The following GPR157 variants were observed in gnomAD, a reference collection of about 807,000 sequenced individuals.
The protein encoded by GPR157 is G-protein coupled receptor 157.
A neutral mutation model predicts 23.5 loss-of-function variants in GPR157; 16 were observed. The ratio of observed to expected loss-of-function variants is 0.68; its 90% CI spans 0.46 to 1.04. The LOEUF is 1.04. Ranked by LOEUF, GPR157 falls within the 50% of genes least tolerant of loss-of-function variation. The pLI, the probability that GPR157 is intolerant of heterozygous loss-of-function variation, is 0.00. For missense variants in GPR157, 440 were observed against 460.7 expected (o/e 0.96, Z 0.41); for synonymous variants, 200 against 221.5 (o/e 0.90, Z 0.86).
rs1050008810 is a variant in GPR157, at chr1:9,105,114, AG to A, written c.792+371del. 2.0e-5 allele frequency among the ~76,000 whole-genome samples: 3 copies of A among 150,876 alleles called. No homozygotes were observed. The highest frequency in any genetic ancestry group is 6.6e-5 in the Admixed American group (1 of 15,100). ...ATGCACACACATGGGGTAGCTGGGAAGTGCTGTGTACCCCAGAACCTCCCCC... is the reference window on the plus strand; with the variant it reads ...ATGCACACACATGGGGTAGCTGGGAATGCTGTGTACCCCAGAACCTCCCCC... On this transcript the variant is annotated intron_variant, in intron 3 of 3. Transcript: ENST00000377411. The surrounding 1 kb of genome is among the most constrained non-coding windows in gnomAD (Gnocchi z 4.8).
chr1:9,118,279 T>G lies in GPR157; in HGVS notation c.384-6790A>C, dbSNP rs1569968157. Among the ~76,000 whole-genome samples the G allele has an allele frequency of 6.7e-6, 1 of 150,060 alleles. No individual in the cohort carries two copies. The highest frequency in any genetic ancestry group is 2.4e-5 in the African/African-American group (1 of 40,818). On this transcript the variant is annotated intron_variant, in intron 1 of 3. Coordinates refer to ENST00000377411, the MANE Select transcript of GPR157 (RefSeq NM_024980.5). This position sits in a 1 kb window ranked among gnomAD's most constrained non-coding sequence, Gnocchi z 4.6. ...ATAGGCAGCTTCCACTGAGAGAAGG[T>G]GAGTGCTCATGTTCAGGGGGTGCCA...
At chr1:9,123,291 A>AAAT (rs375243672) in intron 1 of GPR157, among the ~76,000 whole-genome samples, 85 of 21,314 alleles carry the variant, frequency 4.0e-3, no homozygotes, top group South Asian at 0.013. Flanking sequence ...TATTTAAATT[A>AAAT]ATATATATTT....
At position 9,100,807 on chromosome 1, in the gene GPR157, C is replaced by T. The variant is rs111760795; in HGVS notation, c.*3612G>A. ...GCCCTGATCAGATGTAACAGCCCCT[C>T]GCTTGAGATCTGACTGGGCAACATG... On this transcript the variant is annotated 3_prime_UTR_variant, in exon 4 of 4. Coordinates refer to ENST00000377411, the MANE Select transcript of GPR157 (RefSeq NM_024980.5). 6.6e-5 allele frequency: 5 copies of T among 75,304 alleles called. 1 individual carries two copies. The highest frequency in any genetic ancestry group is 2.1e-4 in the African/African-American group (5 of 23,592). 4.7% of individuals were successfully genotyped at this position (75,304 alleles called of 1,614,324 possible).
intron 1 of GPR157, among the ~76,000 whole-genome samples, chr1:9,124,095 G>A (rs1336384400): frequency 2.0e-5 from 3 of 152,018 alleles, no homozygotes; most frequent in Non-Finnish European, 4.4e-5. Flanking sequence ...CTCCCAAACT[G>A]CTGGGACTAC....
In GPR157 at chr1:9,116,351, TA is replaced by T. The variant is rs1471575142; in HGVS notation, c.384-4863del. Among the ~76,000 whole-genome samples the T allele has an allele frequency of 2.7e-4, 2 of 7,338 alleles. 1 individual carries two copies. Among genetic ancestry groups the T allele is most frequent in the African/African-American group, 2.3e-3 (2 of 888 alleles). 4.8% of individuals were successfully genotyped at this position (7,338 alleles called of 152,430 possible). A position where few individuals can be genotyped will look rare whatever the true frequency, so the allele number is the denominator to read the frequency against. On this transcript the variant is annotated intron_variant, in intron 1 of 3. Transcript: ENST00000377411. ...AAATTATATATAATTTATATATAAT[TA>T]TATATAAATTATATATATATATATT...
At chr1:9,122,385 G>C (rs1638818203) in intron 1 of GPR157, among the ~76,000 whole-genome samples, 1 of 152,238 alleles carries the variant, frequency 6.6e-6, no homozygotes, top group Non-Finnish European at 1.5e-5. Flanking sequence ...AATGCTGTCA[G>C]AATCAGTGGA....
chr1:9,121,467 G>A (rs777017900), intron 1 of GPR157, among the ~76,000 whole-genome samples: 10 of 151,672 alleles, frequency 6.6e-5, no homozygotes, highest in Non-Finnish European at 1.3e-4. Flanking sequence ...GTAAAACACC[G>A]TCTCTACTAA....
chr1:9,127,866 A>G (rs1638998913), intron 1 of GPR157, among the ~76,000 whole-genome samples: 2 of 152,194 alleles, frequency 1.3e-5, no homozygotes, highest in Non-Finnish European at 2.9e-5. Flanking sequence ...ACAGGACGCC[A>G]TGAGATTTTC....
chr1:9,123,610 A>T lies in GPR157; in HGVS notation c.383+5035T>A, dbSNP rs1346553557. Among the ~76,000 whole-genome samples the T allele has an allele frequency of 1.3e-4, 10 of 74,454 alleles. 1 individual carries two copies. Among genetic ancestry groups the T allele is most frequent in the African/African-American group, 6.8e-4 (10 of 14,780 alleles). 48.8% of individuals were successfully genotyped at this position (74,454 alleles called of 152,430 possible). On this transcript the variant is annotated intron_variant, in intron 1 of 3. Coordinates refer to ENST00000377411, the MANE Select transcript of GPR157 (RefSeq NM_024980.5). ...TAATATTAATGTATATTTAATATAT[A>T]TTTAAAATTAAATATATTTTAAATA... is the stretch of plus-strand genomic sequence containing the variant.
rs115647028 is a variant in GPR157 at position 9,116,982 on chromosome 1, C to G, written c.384-5493G>C. Among the ~76,000 whole-genome samples the G allele has an allele frequency of 7.2e-3, 1,098 of 152,110 alleles. 12 individuals carry two copies. The highest frequency in any genetic ancestry group is 0.011 in the Non-Finnish European group (755 of 67,994). On this transcript the variant is annotated intron_variant, in intron 1 of 3. Transcript: ENST00000377411. ...TCTTGAACTCCTGGCTTCAAGTTAT[C>G]TTCTCGCCCTGGCCTCTCAAAGTGC...
chr1:9,117,434 A>G (rs751895265), intron 1 of GPR157, among the ~76,000 whole-genome samples: 5 of 152,232 alleles, frequency 3.3e-5, no homozygotes, highest in Admixed American at 3.3e-4. Context: ...CATGTGTGGC[A>G]TAAATCCTGC....
intron 1 of GPR157, among the ~76,000 whole-genome samples, chr1:9,112,047 C>T (rs765147688): frequency 3.9e-5 from 6 of 152,206 alleles, no homozygotes; most frequent in East Asian, 1.9e-4. Flanking sequence ...TTGCTGCTGT[C>T]GTGACTGTTG....
intron 1 of GPR157, among the ~76,000 whole-genome samples, chr1:9,124,208 G>A (rs1218515551): frequency 6.6e-5 from 10 of 152,124 alleles, no homozygotes; most frequent in South Asian, 2.1e-4. Flanking sequence ...ACTCCTAAAA[G>A]GAGTCTTGGA....
chr1:9,100,401 C>T lies in GPR157; in HGVS notation c.*4018G>A, dbSNP rs1477809668. 1 of 152,234 alleles carries T rather than the reference C, an allele frequency of 6.6e-6. No individual in the cohort carries two copies. The highest frequency in any genetic ancestry group is 1.5e-5 in the Non-Finnish European group (1 of 68,044). The allele number at this position is 152,234 out of a possible 1,614,324, so 9.4% of individuals were successfully genotyped here. Reference sequence around the variant, plus strand: ...TTACAATTTTGCAGGTGCAAAAACTCACACTTTTGATGCCACAACTAGAAG... The same window carrying T: ...TTACAATTTTGCAGGTGCAAAAACTTACACTTTTGATGCCACAACTAGAAG... On this transcript the variant is annotated 3_prime_UTR_variant, in exon 4 of 4. Coordinates refer to ENST00000377411, the MANE Select transcript of GPR157 (RefSeq NM_024980.5).
Position 9,104,354 on chromosome 1 carries a change from G to T in GPR157, c.*65C>A. Reference sequence around the variant, plus strand: ...CATGCACTTCTGCCCCTGCAGCAGGGACTCACAGAAGTGCCTACCCCCAGG... The same window carrying T: ...CATGCACTTCTGCCCCTGCAGCAGGTACTCACAGAAGTGCCTACCCCCAGG... On this transcript the variant is annotated 3_prime_UTR_variant, in exon 4 of 4. Transcript: ENST00000377411. The T allele has an allele frequency of 1.7e-6, 2 of 1,181,098 alleles. No homozygotes were observed. Among genetic ancestry groups the T allele is most frequent in the Non-Finnish European group, 2.5e-6 (2 of 799,360 alleles). 73.2% of individuals were successfully genotyped at this position (1,181,098 alleles called of 1,614,324 possible). A position where few individuals can be genotyped will look rare whatever the true frequency, so the allele number is the denominator to read the frequency against.
chr1:9,105,611 C>T lies in GPR157; in HGVS notation c.667G>A (p.Ala223Thr). ...EHRLLRHSSM[A>T]DKKLVLIPLI... ...GGGATGAGCACCAGCTTCTTGTCCGCCATGGAGGAGTGGCGCAGCAGGCGG... is the reference window on the plus strand; with the variant it reads ...GGGATGAGCACCAGCTTCTTGTCCGTCATGGAGGAGTGGCGCAGCAGGCGG... Residue 223 changes from alanine (A) to threonine (T), a missense_variant, in exon 3 of 4, where the codon GCG becomes ACG. By Grantham distance (58) the Ala-to-Thr change is moderately conservative. Transcript: ENST00000377411. This position sits in a 1 kb window ranked among gnomAD's most constrained non-coding sequence, Gnocchi z 4.8. The T allele has an allele frequency of 6.2e-7, 1 of 1,612,634 alleles. No homozygotes were observed. Among genetic ancestry groups the T allele is most frequent in the Non-Finnish European group, 8.5e-7 (1 of 1,179,522 alleles).
intron 1 of GPR157, among the ~76,000 whole-genome samples, chr1:9,123,226 ATATT>A (rs1349101147): frequency 7.6e-4 from 92 of 121,168 alleles, no homozygotes; most frequent in Non-Finnish European, 1.3e-3. Context: ...ATTAAAATAT[ATATT>A]TAAATATATA....
At chr1:9,125,844 T>C (rs755612772) in intron 1 of GPR157, among the ~76,000 whole-genome samples, 7 of 152,168 alleles carry the variant, frequency 4.6e-5, no homozygotes, top group African/African-American at 9.7e-5. Context: ...CTTTGGTAAA[T>C]AGGATTATTG....
At chr1:9,116,339 T>TAAA (rs1491438357) in intron 1 of GPR157, among the ~76,000 whole-genome samples, 6 of 13,948 alleles carry the variant, frequency 4.3e-4, no homozygotes, top group African/African-American at 3.6e-3. Context: ...TTATATATAA[T>TAAA]TTATATATAA....
Sources: gnomAD v4.1 joint callset for allele counts (sites outside exome capture counted in the v4.1 genomes callset) on GRCh38, gnomAD v4.1.1 for gene constraint, Gnocchi (gnomAD v3.1) non-coding constraint, MANE v1.5 for transcripts, NCBI Gene and HGNC (gene_info 2026-07-23, HGNC 2026-07-21) for gene names.